The following PPA2 variants were observed in gnomAD, a reference collection of about 807,000 sequenced individuals.
The protein encoded by PPA2 is inorganic pyrophosphatase 2, mitochondrial.
Under a neutral mutation model 49.5 loss-of-function variants are expected in PPA2, and 48 were observed. The ratio of observed to expected loss-of-function variants is 0.97; its 90% confidence interval spans 0.77 to 1.23. The LOEUF (loss-of-function observed/expected upper bound fraction) is 1.23, where lower values mean the gene tolerates loss of function less well. PPA2 is among the 50% of genes most tolerant of loss of function. The pLI is 0.00. For synonymous variants in PPA2, 131 were observed against 139.9 expected (o/e 0.94, Z 0.45); for missense variants, 429 against 410.1 (o/e 1.05, Z -0.40).
At chr4:105,413,453 G>A (rs747579719) in intron 7 of PPA2, among the ~76,000 whole-genome samples, 1 of 151,862 alleles carries the variant, frequency 6.6e-6, no homozygotes, top group Non-Finnish European at 1.5e-5. Context: ...ATGTACCCTA[G>A]AACTTAAAGT....
At chr4:105,371,739 T>TA (rs1733035190) in intron 10 of PPA2, among the ~76,000 whole-genome samples, 1 of 152,206 alleles carries the variant, frequency 6.6e-6, no homozygotes, top group Non-Finnish European at 1.5e-5. Context: ...AAAGTTACAA[T>TA]AACTCAGGCT....
At chr4:105,414,611 A>C (rs1342534099) in intron 7 of PPA2, among the ~76,000 whole-genome samples, 1 of 152,244 alleles carries the variant, frequency 6.6e-6, no homozygotes, top group Non-Finnish European at 1.5e-5. Context: ...GCTTGGAGGC[A>C]CCAAGAAGTG....
chr4:105,393,100 C>T (rs1733989530), intron 9 of PPA2, among the ~76,000 whole-genome samples: 1 of 152,168 alleles, frequency 6.6e-6, no homozygotes, highest in Admixed American at 6.5e-5. Flanking sequence ...GTTGTTGTAA[C>T]ATGAAATAGG....
intron 7 of PPA2, among the ~76,000 whole-genome samples, chr4:105,404,696 A>C (rs1438064836): frequency 2.0e-5 from 3 of 152,200 alleles, no homozygotes; most frequent in Admixed American, 1.3e-4. Flanking sequence ...ATCAATCATT[A>C]TCTCTCCAAT....
At chr4:105,469,433 T>G (rs1328983554) in intron 1 of PPA2, among the ~76,000 whole-genome samples, 3 of 152,218 alleles carry the variant, frequency 2.0e-5, no homozygotes, top group Non-Finnish European at 2.9e-5. Context: ...GTGAGAAAAT[T>G]GAATGGAATG....
At chr4:105,465,114 T>C (rs180888933) in intron 1 of PPA2, among the ~76,000 whole-genome samples, 1 of 152,314 alleles carries the variant, frequency 6.6e-6, no homozygotes, top group Admixed American at 6.5e-5. Context: ...ATCCCACATC[T>C]AGTGAATCAA....
chr4:105,436,244 C>A (rs774639487), intron 6 of PPA2, among the ~76,000 whole-genome samples: 2 of 151,406 alleles, frequency 1.3e-5, no homozygotes, highest in African/African-American at 4.8e-5. Context: ...ACACACACAC[C>A]CCGCAGGAAT....
At chr4:105,462,731 C>T (rs887903848) in intron 1 of PPA2, among the ~76,000 whole-genome samples, 2 of 152,138 alleles carry the variant, frequency 1.3e-5, no homozygotes, top group Non-Finnish European at 2.9e-5. Context: ...GGGTGGGACT[C>T]AGTGGGAGGT....
chr4:105,395,033 ATAT>A (rs1433362911), intron 9 of PPA2, among the ~76,000 whole-genome samples: 1 of 152,068 alleles, frequency 6.6e-6, no homozygotes, highest in Non-Finnish European at 1.5e-5. Context: ...TTAATAAATT[ATAT>A]TATTTATATT....
intron 5 of PPA2, among the ~76,000 whole-genome samples, chr4:105,442,010 T>C (rs1724393890): frequency 6.6e-6 from 1 of 151,198 alleles, no homozygotes; most frequent in Non-Finnish European, 1.5e-5. Context: ...CCATCACTTT[T>C]TTTTTTTTTT....
chr4:105,375,123 C>T (rs1270968294), intron 10 of PPA2, among the ~76,000 whole-genome samples: 1 of 151,960 alleles, frequency 6.6e-6, no homozygotes, highest in Non-Finnish European at 1.5e-5. Flanking sequence ...CTTAGTTATT[C>T]ATAAAGAAGA....
At chr4:105,379,736 C>T (rs952528625) in intron 10 of PPA2, among the ~76,000 whole-genome samples, 7 of 150,648 alleles carry the variant, frequency 4.6e-5, no homozygotes, top group South Asian at 2.1e-4. Context: ...TGGGTTCAAG[C>T]GATTATCCTG....
At chr4:105,396,851 C>T (rs1053978514) in intron 8 of PPA2, among the ~76,000 whole-genome samples, 1 of 152,152 alleles carries the variant, frequency 6.6e-6, no homozygotes, top group Non-Finnish European at 1.5e-5. Flanking sequence ...ACCCAGTACC[C>T]GGCTTGTCAG....
At chr4:105,372,080 G>C (rs1733049436) in intron 10 of PPA2, among the ~76,000 whole-genome samples, 1 of 152,180 alleles carries the variant, frequency 6.6e-6, no homozygotes, top group Admixed American at 6.5e-5. Flanking sequence ...CGTGGACCTG[G>C]GGAGATGTGT....
intron 5 of PPA2, among the ~76,000 whole-genome samples, chr4:105,442,595 A>G (rs951971426): frequency 6.6e-5 from 10 of 152,202 alleles, no homozygotes; most frequent in African/African-American, 2.4e-4. Flanking sequence ...AACCCATTAC[A>G]TGTGGGCAAT....
chr4:105,411,508 C>T (rs1322258746), intron 7 of PPA2, among the ~76,000 whole-genome samples: 1 of 152,170 alleles, frequency 6.6e-6, no homozygotes, highest in Non-Finnish European at 1.5e-5. Flanking sequence ...AAACTGGAAG[C>T]ATTCCCCTGG....
intron 7 of PPA2, among the ~76,000 whole-genome samples, chr4:105,417,843 A>G (rs1374055435): frequency 1.3e-5 from 2 of 152,188 alleles, no homozygotes; most frequent in Non-Finnish European, 2.9e-5. Context: ...CAAGGCCACA[A>G]ATACAGCTGA....
intron 1 of PPA2, 102 bp from the exon 2 acceptor site, chr4:105,456,847 A>C: frequency 1.1e-6 from 1 of 897,450 alleles, no homozygotes; most frequent in South Asian, 3.0e-5. Context: ...AAACTTACGC[A>C]TTTTTTACAA....
At chr4:105,406,661 G>A (rs1722489031) in intron 7 of PPA2, among the ~76,000 whole-genome samples, 1 of 152,148 alleles carries the variant, frequency 6.6e-6, no homozygotes, top group South Asian at 2.1e-4. Context: ...GCATATGAAA[G>A]TCTCACAGTA....
Sources: allele counts gnomAD v4.1 joint callset (sites outside exome capture counted in the v4.1 genomes callset), GRCh38; gene constraint gnomAD v4.1.1; transcripts MANE v1.5; gene names NCBI Gene and HGNC (gene_info 2026-07-23, HGNC 2026-07-21).